Variants in LUZP2 observed in about 807,000 individuals in gnomAD.
The protein encoded by LUZP2 is leucine zipper protein 2.
A neutral mutation model predicts 51.6 loss-of-function variants in LUZP2; 52 were observed. That is an observed-to-expected ratio of 1.01 (90% CI 0.81 to 1.27). The LOEUF (loss-of-function observed/expected upper bound fraction) is 1.27, where lower values mean the gene tolerates loss of function less well. LUZP2 is among the 50% of genes most tolerant of loss of function. The pLI is 0.00. For missense variants in LUZP2, 436 were observed against 395.4 expected (o/e 1.10, Z -0.87); for synonymous variants, 154 against 137.3 (o/e 1.12, Z -0.85).
At chr11:24,995,707 A>C (rs1176269596) in intron 9 of LUZP2, among the ~76,000 whole-genome samples, 1 of 151,866 alleles carries the variant, frequency 6.6e-6, no homozygotes, top group African/African-American at 2.4e-5. Flanking sequence ...TTTGCCTTGT[A>C]TTTAATATGT....
intron 5 of LUZP2, among the ~76,000 whole-genome samples, chr11:24,853,016 CTCTT>C (rs1169027868): frequency 6.6e-6 from 1 of 152,074 alleles, no homozygotes; most frequent in East Asian, 1.9e-4. Flanking sequence ...TTGGTCTTGA[CTCTT>C]TATCCAATTT....
chr11:24,565,897 A>G (rs926182150), intron 1 of LUZP2, among the ~76,000 whole-genome samples: 9 of 152,174 alleles, frequency 5.9e-5, no homozygotes, highest in Non-Finnish European at 1.5e-5. Flanking sequence ...TATGGTAAAG[A>G]GTTTTTAAAA....
chr11:24,804,864 G>A (rs1409177725), intron 5 of LUZP2, among the ~76,000 whole-genome samples: 2 of 151,992 alleles, frequency 1.3e-5, no homozygotes, highest in Non-Finnish European at 2.9e-5. Flanking sequence ...TTTTGAGATG[G>A]AGTCTCACTT....
intron 9 of LUZP2, among the ~76,000 whole-genome samples, chr11:25,031,015 ATTTT>A (rs34776436): frequency 2.5e-4 from 3 of 11,878 alleles, no homozygotes; most frequent in Non-Finnish European, 3.4e-4. Context: ...ATATATATAT[ATTTT>A]TTTTTTTTTT....
intron 4 of LUZP2, among the ~76,000 whole-genome samples, chr11:24,745,253 T>C (rs1410803170): frequency 6.6e-6 from 1 of 152,170 alleles, no homozygotes; most frequent in Non-Finnish European, 1.5e-5. Context: ...TTTAAATTCA[T>C]TGTTTCTTTG....
At chr11:24,728,865 G>A (rs967017684) in intron 1 of LUZP2, among the ~76,000 whole-genome samples, 38 of 151,898 alleles carry the variant, frequency 2.5e-4, no homozygotes, top group Admixed American at 4.6e-4. Context: ...GGCTGGGGAG[G>A]CCTCCCAATC....
At chr11:24,895,507 G>T (rs1565070188) in intron 5 of LUZP2, among the ~76,000 whole-genome samples, 1 of 152,014 alleles carries the variant, frequency 6.6e-6, no homozygotes, top group Non-Finnish European at 1.5e-5. Flanking sequence ...ACCCTTGCCT[G>T]CCTCCCTCAC....
intron 9 of LUZP2, among the ~76,000 whole-genome samples, chr11:25,027,402 TGTTA>T (rs1178235098): frequency 1.3e-5 from 2 of 152,112 alleles, no homozygotes; most frequent in Admixed American, 1.3e-4. Context: ...ATCAACTTTA[TGTTA>T]GTTAAAAATT....
intron 1 of LUZP2, among the ~76,000 whole-genome samples, chr11:24,558,286 C>G (rs887980514): frequency 6.6e-6 from 1 of 152,074 alleles, no homozygotes; most frequent in Non-Finnish European, 1.5e-5. Context: ...ACACTACTGG[C>G]TTTCCTGGTT....
At chr11:24,709,764 GT>G (rs1281366143) in intron 1 of LUZP2, among the ~76,000 whole-genome samples, 1 of 152,062 alleles carries the variant, frequency 6.6e-6, no homozygotes, top group African/African-American at 2.4e-5. Flanking sequence ...CAGTGTCATC[GT>G]TTTTGTATTG....
At chr11:24,811,309 G>T (rs550768134) in intron 5 of LUZP2, among the ~76,000 whole-genome samples, 7 of 152,052 alleles carry the variant, frequency 4.6e-5, no homozygotes, top group Non-Finnish European at 7.4e-5. Flanking sequence ...CACTTTTACC[G>T]GTTTTGCTCT....
At position 25,039,451 on chromosome 11, in the gene LUZP2, G is replaced by T. The variant is rs577590606; in HGVS notation, c.766-10587G>T. ...AGGACTGATGGGCCCCAGTCCTGCA[G>T]GGAATCAGGCAGTGTTTTATCCATG... On this transcript the variant is annotated intron_variant, in intron 9 of 11. Transcript: ENST00000336930. 3.3e-5 allele frequency among the ~76,000 whole-genome samples: 5 copies of T among 152,256 alleles called. No homozygotes were observed. The South Asian group carries it at 1.0e-3, about 32-fold the overall frequency.
chr11:24,688,644 C>T (rs1325328955), intron 1 of LUZP2, among the ~76,000 whole-genome samples: 1 of 152,112 alleles, frequency 6.6e-6, no homozygotes, highest in Non-Finnish European at 1.5e-5. Context: ...CTGGAACCTA[C>T]CACTTGCTGA....
chr11:24,838,556 G>A (rs942418099), intron 5 of LUZP2, among the ~76,000 whole-genome samples: 13 of 151,664 alleles, frequency 8.6e-5, no homozygotes, highest in African/African-American at 3.1e-4. Context: ...GAGTAATAAC[G>A]TAGCATTTGA....
At chr11:24,825,007 A>G (rs1269304999) in intron 5 of LUZP2, among the ~76,000 whole-genome samples, 1 of 152,096 alleles carries the variant, frequency 6.6e-6, no homozygotes, top group Non-Finnish European at 1.5e-5. Context: ...TGATGCTTGG[A>G]AAACATAAAC....
At chr11:24,885,635 T>C (rs778632537) in intron 5 of LUZP2, among the ~76,000 whole-genome samples, 2 of 152,150 alleles carry the variant, frequency 1.3e-5, no homozygotes, top group Non-Finnish European at 2.9e-5. Context: ...GTGTTGCAAT[T>C]TTATATTACC....
chr11:24,917,906 A>T (rs1246958481), intron 7 of LUZP2, among the ~76,000 whole-genome samples: 1 of 152,102 alleles, frequency 6.6e-6, no homozygotes, highest in Non-Finnish European at 1.5e-5. Flanking sequence ...ATGATATTGA[A>T]TCTAAAAATT....
At chr11:24,833,513 A>C (rs1292762019) in intron 5 of LUZP2, among the ~76,000 whole-genome samples, 1 of 152,144 alleles carries the variant, frequency 6.6e-6, no homozygotes, top group Non-Finnish European at 1.5e-5. Flanking sequence ...GGACATACCC[A>C]GGGAGAGATC....
intron 5 of LUZP2, among the ~76,000 whole-genome samples, chr11:24,766,259 C>T (rs1412707748): frequency 6.6e-6 from 1 of 152,078 alleles, no homozygotes; most frequent in African/African-American, 2.4e-5. Context: ...CAAGTCAAAT[C>T]TATTCCGCAA....
Sources: allele counts gnomAD v4.1 joint callset (sites outside exome capture counted in the v4.1 genomes callset), GRCh38; gene constraint gnomAD v4.1.1; transcripts MANE v1.5; gene names NCBI Gene and HGNC (gene_info 2026-07-23, HGNC 2026-07-21).